ARMH3: variants seen among roughly 807,000 people sequenced by gnomAD.
ARMH3 encodes the protein armadillo like helical domain containing 3.
Under a neutral mutation model 99.1 loss-of-function variants are expected in ARMH3, and 60 were observed. The ratio of observed to expected loss-of-function variants is 0.61; its 90% confidence interval spans 0.49 to 0.75. The LOEUF is 0.75. Among genes scored for constraint, ARMH3 ranks in the 30% least tolerant of loss-of-function variants. The pLI is 0.00. For missense variants in ARMH3, 679 were observed against 843.1 expected (o/e 0.81, Z 2.41); for synonymous variants, 285 against 292.8 (o/e 0.97, Z 0.27).
chr10:101,991,854 A>C, intron 18 of ARMH3, 115 bp downstream of exon 18: 1 of 1,082,406 alleles, frequency 9.2e-7, no homozygotes, highest in Non-Finnish European at 1.4e-6. Context: ...GGGAAAAAAC[A>C]CAACTAATAA....
chr10:102,028,236 T>C (rs2067043899), intron 5 of ARMH3, among the ~76,000 whole-genome samples: 2 of 152,142 alleles, frequency 1.3e-5, no homozygotes, highest in South Asian at 4.1e-4. Flanking sequence ...CACCTAGGTA[T>C]ATGCCCAAGA....
intron 22 of ARMH3, among the ~76,000 whole-genome samples, chr10:101,953,812 G>A (rs144566678): frequency 3.3e-5 from 5 of 152,132 alleles, no homozygotes; most frequent in South Asian, 2.1e-4. Flanking sequence ...TTTGGAAAAC[G>A]GTTTGGCGGT....
chr10:101,904,123 C>T (rs554678119), intron 23 of ARMH3, among the ~76,000 whole-genome samples: 24 of 152,338 alleles, frequency 1.6e-4, no homozygotes, highest in South Asian at 1.0e-3. Flanking sequence ...ACTGACGACA[C>T]TAAATGGCTT....
At chr10:101,933,505 A>T (rs997191828) in intron 23 of ARMH3, among the ~76,000 whole-genome samples, 3 of 152,248 alleles carry the variant, frequency 2.0e-5, no homozygotes, top group Admixed American at 6.5e-5. Flanking sequence ...ATGATTAACC[A>T]CATGGGATTC....
intron 17 of ARMH3, among the ~76,000 whole-genome samples, chr10:101,993,099 CA>C (rs1188070586): frequency 6.6e-6 from 1 of 151,714 alleles, no homozygotes; most frequent in African/African-American, 2.4e-5. Flanking sequence ...GGTGAAACCC[CA>C]TCTGTAACGA....
chr10:101,920,250 T>C (rs1322025021), intron 23 of ARMH3, among the ~76,000 whole-genome samples: 19 of 152,104 alleles, frequency 1.2e-4, no homozygotes, highest in Admixed American at 1.2e-3. Flanking sequence ...AAATGCACTA[T>C]TTCAGGAGGT....
intron 24 of ARMH3, among the ~76,000 whole-genome samples, chr10:101,874,368 A>C (rs1159065420): frequency 6.6e-6 from 1 of 152,116 alleles, no homozygotes. Context: ...TTAATATTCC[A>C]TTTTGGGTTG....
intron 20 of ARMH3, among the ~76,000 whole-genome samples, chr10:101,962,785 C>T (rs1845353403): frequency 1.3e-5 from 2 of 152,128 alleles, no homozygotes; most frequent in Non-Finnish European, 2.9e-5. Context: ...GTCTATGAAA[C>T]TGTATTGGAT....
chr10:101,903,508 C>A (rs1184635657), intron 23 of ARMH3, among the ~76,000 whole-genome samples: 2 of 152,108 alleles, frequency 1.3e-5, no homozygotes, highest in African/African-American at 4.8e-5. Flanking sequence ...GGTGCTTAGC[C>A]CAACCTGCAG....
intron 23 of ARMH3, among the ~76,000 whole-genome samples, chr10:101,909,271 G>T (rs953609771): frequency 4.0e-5 from 6 of 151,830 alleles, no homozygotes; most frequent in Non-Finnish European, 8.8e-5. Flanking sequence ...GCCAGGTGTG[G>T]TGGCGCACGC....
chr10:102,027,427 G>A (rs1406290685), intron 5 of ARMH3, among the ~76,000 whole-genome samples: 1 of 152,064 alleles, frequency 6.6e-6, no homozygotes, highest in African/African-American at 2.4e-5. Context: ...ATCATCTGGA[G>A]ATAAAAGATG....
chr10:101,867,324 C>A (rs1263189917), intron 24 of ARMH3, among the ~76,000 whole-genome samples: 2 of 152,200 alleles, frequency 1.3e-5, no homozygotes, highest in Non-Finnish European at 2.9e-5. Context: ...ATGCCACTGG[C>A]TACCCATGAC....
chr10:101,993,612 A>T lies in ARMH3; in HGVS notation c.1210-9T>A, dbSNP rs762577611. The T allele has an allele frequency of 1.9e-6, 3 of 1,557,434 alleles. No homozygotes were observed. The highest frequency in any genetic ancestry group is 2.6e-6 in the Non-Finnish European group (3 of 1,143,796). On this transcript the variant is annotated splice_polypyrimidine_tract_variant and intron_variant, in intron 16 of 25. Transcript: ENST00000370033. ...GCATTGGCATATTGATCCTAATAAA[A>T]ATATAGAGAAAAAGTAAGAAGCGAG...
chr10:101,900,763 C>T (rs1305732068), intron 23 of ARMH3, among the ~76,000 whole-genome samples: 1 of 152,178 alleles, frequency 6.6e-6, no homozygotes, highest in African/African-American at 2.4e-5. Context: ...GGGAGAACTG[C>T]TTGAGGCCAG....
chr10:101,871,604 T>G (rs536566861), intron 24 of ARMH3, among the ~76,000 whole-genome samples: 9 of 152,282 alleles, frequency 5.9e-5, no homozygotes, highest in African/African-American at 1.9e-4. Flanking sequence ...AACTGAATAT[T>G]TGGCGGGGGG....
chr10:101,897,090 T>C (rs1488693885), intron 23 of ARMH3, among the ~76,000 whole-genome samples: 2 of 152,176 alleles, frequency 1.3e-5, no homozygotes, highest in Admixed American at 1.3e-4. Context: ...CCAGCAATAG[T>C]TGGAGTTGCC....
At chr10:101,927,734 A>G (rs774343687) in intron 23 of ARMH3, among the ~76,000 whole-genome samples, 2 of 152,064 alleles carry the variant, frequency 1.3e-5, no homozygotes, top group Non-Finnish European at 1.5e-5. Context: ...TTCAAGACCA[A>G]CCTGGCTGGG....
At chr10:101,863,190 T>C (rs1241150051) in intron 24 of ARMH3, among the ~76,000 whole-genome samples, 1 of 151,914 alleles carries the variant, frequency 6.6e-6, no homozygotes, top group Non-Finnish European at 1.5e-5. Context: ...GCAACAAGAA[T>C]CTACCTAAAA....
intron 23 of ARMH3, among the ~76,000 whole-genome samples, chr10:101,898,045 G>A (rs1160877329): frequency 6.6e-6 from 1 of 152,130 alleles, no homozygotes; most frequent in African/African-American, 2.4e-5. Context: ...TTAAAGATAA[G>A]CATGGAAATG....
Sources: gnomAD v4.1 joint callset for allele counts (sites outside exome capture counted in the v4.1 genomes callset) on GRCh38, gnomAD v4.1.1 for gene constraint, MANE v1.5 for transcripts, NCBI Gene and HGNC (gene_info 2026-07-23, HGNC 2026-07-21) for gene names.